ADGRD1: variants seen among roughly 807,000 people sequenced by gnomAD.
ADGRD1 encodes the protein G-protein coupled receptor 133.
Under a neutral mutation model 113.4 loss-of-function variants are expected in ADGRD1, and 77 were observed. That is an observed-to-expected ratio of 0.68 (90% CI 0.57 to 0.82). The LOEUF (loss-of-function observed/expected upper bound fraction) is 0.82, where lower values mean the gene tolerates loss of function less well. ADGRD1 is among the 40% of genes least tolerant of loss of function. The probability of loss-of-function intolerance (pLI) is 0.00; values close to 1 mark genes in which losing one functional copy is unlikely to be tolerated. For synonymous variants in ADGRD1, 474 were observed against 475.0 expected (o/e 1.00, Z 0.03); for missense variants, 1,036 against 1,139.1 (o/e 0.91, Z 1.30).
intron 22 of ADGRD1, 24 bp downstream of exon 22, chr12:131,136,187 G>A (rs1339097708): frequency 6.2e-7 from 1 of 1,612,520 alleles, no homozygotes; most frequent in Non-Finnish European, 8.5e-7. Context: ...GGACTGGCGG[G>A]GAGGCAGGGC....
intron 15 of ADGRD1, among the ~76,000 whole-genome samples, chr12:131,099,183 C>G (rs1253804416): frequency 1.3e-5 from 2 of 152,202 alleles, no homozygotes; most frequent in Non-Finnish European, 2.9e-5. Context: ...TCACATCACT[C>G]TGGTCTAGAA....
At position 131,084,543 on chromosome 12, in the gene ADGRD1, C is replaced by T. The variant is rs1325779017; in HGVS notation, c.1551C>T (p.Ser517=). Residue 517 remains serine, a synonymous_variant, in exon 15 of 25, where the codon TCC becomes TCT. Coordinates refer to ENST00000261654, the MANE Select transcript of ADGRD1 (RefSeq NM_198827.5). This position sits in a 1 kb window ranked among gnomAD's most constrained non-coding sequence, Gnocchi z 4.5. The part of the protein sequence containing the change: ...FVYCAFLDFS[S]GEGVWSNHGC... ...ATCCTTTCTCCTGTGTCCTCAGCTCCGGAGAAGGGGTCTGGTCGAACCACG... is the reference window on the plus strand; with the variant it reads ...ATCCTTTCTCCTGTGTCCTCAGCTCTGGAGAAGGGGTCTGGTCGAACCACG... 13 of 1,614,084 alleles carry T rather than the reference C, an allele frequency of 8.1e-6. No homozygotes were observed. The highest frequency in any genetic ancestry group is 1.6e-4 in the Middle Eastern group (1 of 6,062).
chr12:130,973,207 A>C (rs908545703), intron 4 of ADGRD1: 5 of 152,162 alleles, frequency 3.3e-5, no homozygotes, highest in Admixed American at 1.3e-4. Context: ...AATAATCTTC[A>C]GGTCGAACAG....
chr12:130,999,874 G>A (rs551867434), intron 8 of ADGRD1, among the ~76,000 whole-genome samples: 14 of 152,318 alleles, frequency 9.2e-5, no homozygotes, highest in African/African-American at 3.1e-4. Context: ...TAATTTCATT[G>A]TTTCCTTAGA....
intron 15 of ADGRD1, among the ~76,000 whole-genome samples, chr12:131,098,510 A>C (rs1332427579): frequency 6.6e-6 from 1 of 152,176 alleles, no homozygotes; most frequent in Non-Finnish European, 1.5e-5. Context: ...AGGGAAGCCC[A>C]GGAGGCTGAA....
At chr12:131,090,361 C>T (rs910537601) in intron 15 of ADGRD1, among the ~76,000 whole-genome samples, 20 of 140,064 alleles carry the variant, frequency 1.4e-4, no homozygotes, top group Non-Finnish European at 2.1e-4. Context: ...ATGTCTTCCA[C>T]GGGGCCCTGG....
intron 12 of ADGRD1, among the ~76,000 whole-genome samples, chr12:131,009,774 T>G (rs1313834760): frequency 6.6e-6 from 1 of 152,188 alleles, no homozygotes; most frequent in Non-Finnish European, 1.5e-5. Flanking sequence ...TGCATTTGTG[T>G]GTTGTATGTG....
chr12:130,986,380 A>G (rs1358454129), intron 5 of ADGRD1, among the ~76,000 whole-genome samples: 1 of 152,116 alleles, frequency 6.6e-6, no homozygotes, highest in Non-Finnish European at 1.5e-5. Flanking sequence ...TTGTTATAAT[A>G]TATGTATTTC....
chr12:131,137,884 A>G, intron 23 of ADGRD1: 1 of 314,730 alleles, frequency 3.2e-6, no homozygotes, highest in South Asian at 2.9e-5. Context: ...ACCCCGGGAC[A>G]TTCATTGCTG....
intron 14 of ADGRD1, 150 bp downstream of exon 14, chr12:131,077,024 C>T: frequency 1.4e-6 from 1 of 733,344 alleles, no homozygotes; most frequent in Non-Finnish European, 2.4e-6. Flanking sequence ...GAGATGTGGG[C>T]AGGGCCTGGT....
intron 13 of ADGRD1, among the ~76,000 whole-genome samples, chr12:131,046,794 T>G (rs1725787): frequency 0.5 from 58,328 of 116,506 alleles, 16,767 homozygotes; most frequent in East Asian, 0.88. Flanking sequence ...TCCTCCCTGG[T>G]CAGTGTCCTC....
chr12:131,029,351 A>G (rs564188025), intron 13 of ADGRD1, among the ~76,000 whole-genome samples: 1 of 152,304 alleles, frequency 6.6e-6, no homozygotes, highest in Admixed American at 6.5e-5. Context: ...CCCTCTGTCA[A>G]GATCCTTGGG....
chr12:131,031,693 C>G (rs917697416), intron 13 of ADGRD1, among the ~76,000 whole-genome samples: 8 of 152,144 alleles, frequency 5.3e-5, no homozygotes, highest in African/African-American at 1.9e-4. Context: ...GGGCCACCTC[C>G]ATGGATCTCT....
chr12:130,981,878 C>A lies in ADGRD1; in HGVS notation c.311-6C>A. On this transcript the variant is annotated splice_region_variant and splice_polypyrimidine_tract_variant and intron_variant, in intron 4 of 24. Transcript: ENST00000261654. ...TGTGAATAACTGATCTTGTGACTTT[C>A]CTCAGGGGTCACGTTTTCTTTTTTC... 1 of 1,604,766 alleles carries A rather than the reference C, an allele frequency of 6.2e-7. No homozygotes were observed. Among genetic ancestry groups the A allele is most frequent in the Non-Finnish European group, 8.5e-7 (1 of 1,172,952 alleles).
intron 13 of ADGRD1, among the ~76,000 whole-genome samples, chr12:131,073,505 A>C (rs952228545): frequency 1.2e-4 from 19 of 152,162 alleles, no homozygotes; most frequent in Non-Finnish European, 2.8e-4. Flanking sequence ...CTTACCATCA[A>C]ATTTAAGGAC....
intron 20 of ADGRD1, among the ~76,000 whole-genome samples, chr12:131,123,095 C>G (rs566460451): frequency 9.6e-6 from 1 of 104,120 alleles, no homozygotes; most frequent in Admixed American, 1.4e-4. Context: ...TTCGCTCTGT[C>G]GCCCAGGCTG....
chr12:130,974,620 A>C (rs1325155414), intron 4 of ADGRD1, among the ~76,000 whole-genome samples: 5 of 152,110 alleles, frequency 3.3e-5, no homozygotes, highest in Admixed American at 3.3e-4. Context: ...AAATAGAGAA[A>C]TGCTCTCCAG....
At chr12:130,981,323 C>G (rs542474395) in intron 4 of ADGRD1, 1 of 152,180 alleles carries the variant, frequency 6.6e-6, no homozygotes, top group Non-Finnish European at 1.5e-5. Flanking sequence ...GACAACGTGA[C>G]AGTGTATTTA....
chr12:131,024,685 TA>T (rs1469089367), intron 13 of ADGRD1: 1 of 152,276 alleles, frequency 6.6e-6, no homozygotes, highest in Non-Finnish European at 1.5e-5. Context: ...TAGCTTTGTG[TA>T]AGTCCCCTCT....
Sources: allele counts gnomAD v4.1 joint callset (sites outside exome capture counted in the v4.1 genomes callset), GRCh38; gene constraint gnomAD v4.1.1; non-coding constraint Gnocchi (gnomAD v3.1); transcripts MANE v1.5; gene names NCBI Gene and HGNC (gene_info 2026-07-23, HGNC 2026-07-21).